TBCK: variants seen among roughly 807,000 people sequenced by gnomAD.
TBCK encodes the protein TBC1 domain containing kinase, also known as TBC domain-containing protein kinase-like protein.
In TBCK, 99 loss-of-function variants were observed where a neutral mutation model predicts 113.4. The ratio of observed to expected loss-of-function variants is 0.87; its 90% CI spans 0.74 to 1.03. The LOEUF (loss-of-function observed/expected upper bound fraction) is 1.03, where lower values mean the gene tolerates loss of function less well. Ranked by LOEUF, TBCK falls within the 50% of genes least tolerant of loss-of-function variation. TBCK has a pLI of 0.00. For synonymous variants in TBCK, 369 were observed against 370.8 expected (o/e 1.00, Z 0.05); for missense variants, 1,045 against 1,061.3 (o/e 0.98, Z 0.21).
chr4:106,213,244 T>C (rs1412231564), intron 19 of TBCK: 2 of 164,680 alleles, frequency 1.2e-5, no homozygotes, highest in African/African-American at 4.8e-5. Flanking sequence ...ATGTCTCAAA[T>C]TTGTTTATAT....
At chr4:106,167,185 T>C (rs1446068470) in intron 23 of TBCK, among the ~76,000 whole-genome samples, 7 of 147,152 alleles carry the variant, frequency 4.8e-5, no homozygotes. Context: ...GAACTGTATA[T>C]ATATATATAG....
At chr4:106,116,662 T>C (rs976685756) in intron 23 of TBCK, among the ~76,000 whole-genome samples, 2 of 152,140 alleles carry the variant, frequency 1.3e-5, no homozygotes, top group African/African-American at 4.8e-5. Context: ...TGCTCCGTTA[T>C]AGTCCGAGCT....
chr4:106,108,072 T>G (rs1046567990), intron 24 of TBCK, among the ~76,000 whole-genome samples: 6 of 152,280 alleles, frequency 3.9e-5, no homozygotes, highest in African/African-American at 1.4e-4. Context: ...ACTGATTCCC[T>G]GAACAGACCA....
At chr4:106,261,762 C>T (rs1385321684) in intron 4 of TBCK, among the ~76,000 whole-genome samples, 1 of 151,682 alleles carries the variant, frequency 6.6e-6, no homozygotes, top group Non-Finnish European at 1.5e-5. Context: ...GCAAAAAGAG[C>T]CATTTTCTTA....
At chr4:106,196,035 T>C (rs1032498610) in intron 20 of TBCK, among the ~76,000 whole-genome samples, 1 of 152,082 alleles carries the variant, frequency 6.6e-6, no homozygotes, top group African/African-American at 2.4e-5. Flanking sequence ...AAAGGTATTA[T>C]GAAGCATGTG....
rs183663332 is a variant in TBCK at position 106,285,688 on chromosome 4, T to C, written c.266+9406A>G. 1.1e-3 allele frequency among the ~76,000 whole-genome samples: 175 copies of C among 152,282 alleles called. 1 individual carries two copies. Among genetic ancestry groups the C allele is most frequent in the South Asian group, 6.2e-4 (3 of 4,830 alleles). ...CAACTGCAAATTACGACCAGACAAC[T>C]GGCAGCTTATGGTTTTGCAACAGTT... is the stretch of plus-strand genomic sequence containing the variant. On this transcript the variant is annotated intron_variant, in intron 3 of 25. Transcript: ENST00000394708.
chr4:106,095,648 A>G lies in TBCK; in HGVS notation c.2412-7T>C. ...AATGTGACCACGAATAAAGCTGAGA[A>G]GGAAAGTTTAAGGAAAACATTTATT... On this transcript the variant is annotated splice_polypyrimidine_tract_variant and splice_region_variant and intron_variant, in intron 24 of 25. Transcript: ENST00000394708. The G allele has an allele frequency of 6.2e-7, 1 of 1,611,976 alleles. No individual in the cohort carries two copies. Among genetic ancestry groups the G allele is most frequent in the Non-Finnish European group, 8.5e-7 (1 of 1,178,928 alleles).
At chr4:106,059,544 A>G (rs377227132) in intron 25 of TBCK, among the ~76,000 whole-genome samples, 12 of 151,842 alleles carry the variant, frequency 7.9e-5, no homozygotes, top group African/African-American at 2.9e-4. Context: ...ATAAGATGGC[A>G]AACTTAGTGA....
chr4:106,176,744 G>T (rs1165965762), intron 22 of TBCK, among the ~76,000 whole-genome samples: 1 of 151,746 alleles, frequency 6.6e-6, no homozygotes, highest in Non-Finnish European at 1.5e-5. Context: ...CTACTTTTTT[G>T]AGGAACCTCC....
chr4:106,114,127 G>A (rs916781548), intron 24 of TBCK, among the ~76,000 whole-genome samples: 2 of 152,214 alleles, frequency 1.3e-5, no homozygotes, highest in Non-Finnish European at 2.9e-5. Flanking sequence ...CAAACCTGCT[G>A]CTGCACACAT....
Position 106,065,096 on chromosome 4 carries a change from G to A in TBCK, c.2572-18416C>T, listed in dbSNP as rs1736487817. Among the ~76,000 whole-genome samples, 9 of 151,932 alleles carry A rather than the reference G, an allele frequency of 5.9e-5. 1 individual carries two copies. In the South Asian group the frequency reaches 1.9e-3, roughly 31 times the overall value. The stretch of plus-strand genomic sequence containing the variant: ...TTCCACTAGGTAACATTTGATTAAT[G>A]TCAAAATAAAAATTCTCCTTTATAT... On this transcript the variant is annotated intron_variant, in intron 25 of 25. Transcript: ENST00000394708.
chr4:106,066,508 A>C (rs1289940296), intron 25 of TBCK, among the ~76,000 whole-genome samples: 2 of 152,014 alleles, frequency 1.3e-5, no homozygotes, highest in African/African-American at 4.8e-5. Flanking sequence ...ACCTTATTTG[A>C]AAAAATTGAG....
intron 19 of TBCK, among the ~76,000 whole-genome samples, chr4:106,217,264 C>T (rs1029423910): frequency 6.6e-6 from 1 of 152,102 alleles, no homozygotes; most frequent in Non-Finnish European, 1.5e-5. Flanking sequence ...CAATATCATA[C>T]TGAATGGGCA....
chr4:106,138,194 A>G lies in TBCK; in HGVS notation c.2236-21816T>C, dbSNP rs1339106431. ...GTAATGCCAGTATCAATTGCTATAT[A>G]TCAGGTTTCTGTATATGCTCTATCA... is the stretch of plus-strand genomic sequence containing the variant. On this transcript the variant is annotated intron_variant, in intron 23 of 25. Coordinates refer to ENST00000394708, the MANE Select transcript of TBCK (RefSeq NM_001163435.3). 1.4e-5 allele frequency among the ~76,000 whole-genome samples: 2 copies of G among 141,450 alleles called. 1 individual carries two copies. Among genetic ancestry groups the G allele is most frequent in the African/African-American group, 5.0e-5 (2 of 40,100 alleles). The allele number at this position is 141,450 out of a possible 152,430, so 92.8% of individuals were successfully genotyped here.
Position 106,248,959 on chromosome 4 carries a change from C to A in TBCK, c.682G>T (p.Val228Phe). The change falls in exon 8 of 26, where the codon GTT becomes TTT. Residue 228 changes from valine (V) to phenylalanine (F), a missense_variant. Coordinates refer to ENST00000394708, the MANE Select transcript of TBCK (RefSeq NM_001163435.3). ...TLDCVDDTLIVLAEEHGCLDI... is the reference protein window; with the variant it reads ...TLDCVDDTLIFLAEEHGCLDI... ...AAACAACCATGCTCTTCAGCCAGAACTATTAAAGTGTCATCTACACAATCT... is the reference window on the plus strand; with the variant it reads ...AAACAACCATGCTCTTCAGCCAGAAATATTAAAGTGTCATCTACACAATCT... 6 of 1,607,610 alleles carry A rather than the reference C, an allele frequency of 3.7e-6. No homozygotes were observed. Among genetic ancestry groups the A allele is most frequent in the Non-Finnish European group, 5.1e-6 (6 of 1,177,958 alleles).
At chr4:106,212,097 A>T (rs1245780311) in intron 20 of TBCK, among the ~76,000 whole-genome samples, 1 of 152,146 alleles carries the variant, frequency 6.6e-6, no homozygotes. Context: ...TACCACTTGC[A>T]TCCCCATCAC....
rs1759508793 is a variant in TBCK, at chr4:106,236,682, GA to G, written c.1220+76del. On this transcript the variant is annotated intron_variant, in intron 13 of 25. Coordinates refer to ENST00000394708, the MANE Select transcript of TBCK (RefSeq NM_001163435.3). ...TTCTATTTAGGAAACATTTTTCAAA[GA>G]AAATGTATAAAATTCTTATAAATCT... 2.9e-6 allele frequency: 3 copies of G among 1,046,484 alleles called. No homozygotes were observed. In the East Asian group the frequency reaches 9.3e-5, roughly 32 times the overall value. The allele number at this position is 1,046,484 out of a possible 1,614,324, so 64.8% of individuals were successfully genotyped here.
chr4:106,215,468 C>T (rs1756768659), intron 19 of TBCK, among the ~76,000 whole-genome samples: 1 of 152,062 alleles, frequency 6.6e-6, no homozygotes, highest in African/African-American at 2.4e-5. Context: ...ATTCAGGATA[C>T]CAATCTCACG....
intron 2 of TBCK, 102 bp downstream of exon 2, chr4:106,308,666 A>G: frequency 1.9e-6 from 2 of 1,044,986 alleles, no homozygotes; most frequent in Non-Finnish European, 2.8e-6. Context: ...ACATGTGTGC[A>G]CTGGTACTGA....
Sources: gnomAD v4.1 joint callset for allele counts (sites outside exome capture counted in the v4.1 genomes callset) on GRCh38, gnomAD v4.1.1 for gene constraint, MANE v1.5 for transcripts, NCBI Gene and HGNC (gene_info 2026-07-23, HGNC 2026-07-21) for gene names.